Variants in SLC7A2 observed in about 807,000 individuals in gnomAD.
SLC7A2 encodes the protein solute carrier family 7 member 2.
In SLC7A2, 48 loss-of-function variants were observed where a neutral mutation model predicts 58.9. The ratio of observed to expected loss-of-function variants is 0.82; its 90% CI spans 0.65 to 1.04. The LOEUF is 1.04. Among genes scored for constraint, SLC7A2 ranks in the 50% least tolerant of loss-of-function variants. The pLI is 0.00. For synonymous variants in SLC7A2, 363 were observed against 314.5 expected, an observed-to-expected ratio of 1.15 and a Z score of -1.63; for missense variants, 1,029 against 818.8, an observed-to-expected ratio of 1.26 and a Z score of -3.13.
chr8:17,503,196 G>T (rs1800234281), intron 2 of SLC7A2, among the ~76,000 whole-genome samples: 1 of 151,764 alleles, frequency 6.6e-6, no homozygotes, highest in Admixed American at 6.6e-5. Flanking sequence ...GACTACAGGC[G>T]CCCGCCACCA....
chr8:17,559,328 A>G (rs1802852682), intron 9 of SLC7A2, among the ~76,000 whole-genome samples: 1 of 152,150 alleles, frequency 6.6e-6, no homozygotes, highest in Non-Finnish European at 1.5e-5. Context: ...GGCCTCAGGA[A>G]ACTTAAAATC....
At chr8:17,521,632 C>T (rs1050330687) in intron 2 of SLC7A2, among the ~76,000 whole-genome samples, 12 of 152,324 alleles carry the variant, frequency 7.9e-5, no homozygotes, top group Admixed American at 2.6e-4. Context: ...CACAGGGAGA[C>T]GTGGCGCTGG....
intron 4 of SLC7A2, among the ~76,000 whole-genome samples, chr8:17,546,261 C>G (rs914684093): frequency 1.3e-5 from 2 of 152,210 alleles, no homozygotes; most frequent in African/African-American, 4.8e-5. Context: ...AATTCCACAG[C>G]AAGACTCAGG....
At chr8:17,522,976 A>G (rs1218064355) in intron 2 of SLC7A2, among the ~76,000 whole-genome samples, 4 of 152,122 alleles carry the variant, frequency 2.6e-5, no homozygotes, top group Admixed American at 6.5e-5. Flanking sequence ...TCAAGGCTAC[A>G]GTGACCCATG....
chr8:17,530,218 A>G (rs765431279), intron 2 of SLC7A2, among the ~76,000 whole-genome samples: 206 of 152,226 alleles, frequency 1.4e-3, no homozygotes, highest in Non-Finnish European at 6.5e-4. Flanking sequence ...TCTTTGAGTC[A>G]GAAGGAAAGC....
upstream of SLC7A2, among the ~76,000 whole-genome samples, chr8:17,496,670 T>C (rs1328891459): frequency 3.9e-5 from 6 of 152,190 alleles, no homozygotes; most frequent in Non-Finnish European, 5.9e-5. Flanking sequence ...CATTTATCAT[T>C]GCTATTATTA....
At chr8:17,555,144 G>T in intron 8 of SLC7A2, 1 of 1,504,362 alleles carries the variant, frequency 6.6e-7, no homozygotes, top group Non-Finnish European at 9.1e-7. Context: ...CGCATGCATG[G>T]ACTTATAAAG....
At chr8:17,498,528 AGT>A (rs1368484494) in intron 1 of SLC7A2, 3 of 152,204 alleles carry the variant, frequency 2.0e-5, no homozygotes, top group Admixed American at 6.5e-5. Context: ...ATGATCTCTC[AGT>A]GCAGAACACA....
chr8:17,543,930 G>A (rs1166426370), intron 3 of SLC7A2, among the ~76,000 whole-genome samples: 2 of 152,078 alleles, frequency 1.3e-5, no homozygotes, highest in Admixed American at 6.5e-5. Context: ...GTGCAGTGGC[G>A]TGATCTCAGC....
At chr8:17,522,826 A>G (rs2150692771) in intron 2 of SLC7A2, among the ~76,000 whole-genome samples, 1 of 152,224 alleles carries the variant, frequency 6.6e-6, no homozygotes, top group South Asian at 2.1e-4. Context: ...GCTTGAGCCC[A>G]GGAGTTTGGG....
In SLC7A2 at chr8:17,561,961, C is replaced by T. The variant is rs150497905; in HGVS notation, c.1522C>T (p.Leu508=). The change falls in exon 11 of 13, where the codon CTG becomes TTG. Residue 508 remains leucine (L), a synonymous_variant. Transcript: ENST00000494857. ...VGFLAFLVLG[L]SVLTTYGVHA... ...CCCTGCAGCTTTCCTCGTGTTGGGC[C>T]TGAGTGTCTTGACCACTTACGGAGT... The T allele has an allele frequency of 1.7e-3, 2,794 of 1,614,148 alleles. 79 individuals are homozygous for T. In the Admixed American group the frequency reaches 0.042, roughly 24 times the overall value.
In SLC7A2 at chr8:17,554,645, A is replaced by T. The variant is rs1446732558; in HGVS notation, c.1141A>T (p.Asn381Tyr). ...GCTTTTCAAATGTCTAGCTCAAATCAATTCCAAAACGAAGACACCAATAAT... is the reference window on the plus strand; with the variant it reads ...GCTTTTCAAATGTCTAGCTCAAATCTATTCCAAAACGAAGACACCAATAAT... ...GLLFKCLAQI[N>Y]SKTKTPIIAT... is the part of the protein sequence containing the mutation. Residue 381 changes from asparagine (N) to tyrosine (Y), a missense_variant, in exon 8 of 13, where the codon AAT becomes TAT. Coordinates refer to ENST00000494857, the MANE Select transcript of SLC7A2 (RefSeq NM_001370338.1). 1.6e-5 allele frequency: 26 copies of T among 1,613,468 alleles called. No individual in the cohort carries two copies. In the East Asian group the frequency reaches 5.8e-4, roughly 36 times the overall value.
intron 2 of SLC7A2, among the ~76,000 whole-genome samples, chr8:17,537,890 C>T (rs924205848): frequency 6.6e-6 from 1 of 152,180 alleles, no homozygotes; most frequent in African/African-American, 2.4e-5. Context: ...TCAAGTTTTG[C>T]TTCTTCTGTT....
intron 2 of SLC7A2, among the ~76,000 whole-genome samples, chr8:17,523,418 A>G (rs13277561): frequency 0.14 from 21,007 of 152,248 alleles, 1,626 homozygotes; most frequent in East Asian, 0.3. Flanking sequence ...AGAATAGCAC[A>G]CAGACCAGTG....
chr8:17,515,299 CTT>C (rs568764967), intron 2 of SLC7A2, among the ~76,000 whole-genome samples: 19 of 138,164 alleles, frequency 1.4e-4, no homozygotes, highest in Admixed American at 2.9e-4. Context: ...ACATCTTTTT[CTT>C]TTTTTTTTTT....
chr8:17,498,623 T>A (rs80208496), intron 1 of SLC7A2: 10,349 of 152,272 alleles, frequency 0.068, 424 homozygotes, highest in South Asian at 0.11. Flanking sequence ...TCAAGTTTCT[T>A]CCCTCGGCCC....
intron 2 of SLC7A2, among the ~76,000 whole-genome samples, chr8:17,538,282 T>A (rs922196972): frequency 6.6e-6 from 1 of 152,218 alleles, no homozygotes; most frequent in African/African-American, 2.4e-5. Context: ...TGTCTACACT[T>A]GCACGAACTT....
intron 2 of SLC7A2, among the ~76,000 whole-genome samples, chr8:17,508,738 CAAAT>C (rs1800476091): frequency 6.6e-6 from 1 of 151,824 alleles, no homozygotes; most frequent in African/African-American, 2.4e-5. Flanking sequence ...TAAAAATAAA[CAAAT>C]AATAAAAAAG....
chr8:17,503,491 T>A (rs1800248982), intron 2 of SLC7A2, among the ~76,000 whole-genome samples: 1 of 152,224 alleles, frequency 6.6e-6, no homozygotes, highest in African/African-American at 2.4e-5. Flanking sequence ...TACTTATTAT[T>A]CATACGCGGC....
Sources: gnomAD v4.1 joint callset for allele counts (sites outside exome capture counted in the v4.1 genomes callset) on GRCh38, gnomAD v4.1.1 for gene constraint, MANE v1.5 for transcripts, NCBI Gene and HGNC (gene_info 2026-07-23, HGNC 2026-07-21) for gene names.